The following FHIT variants were observed in gnomAD, a reference collection of about 807,000 sequenced individuals.
The protein encoded by FHIT is bis(5'-adenosyl)-triphosphatase.
FHIT carries 19 observed loss-of-function variants against 17.9 expected under a neutral mutation model. The ratio of observed to expected loss-of-function variants is 1.06; its 90% CI spans 0.74 to 1.56. The LOEUF is 1.56. FHIT is among the 40% of genes most tolerant of loss of function. The pLI is 0.00. For missense variants in FHIT, 248 were observed against 189.2 expected (o/e 1.31, Z -1.82); for synonymous variants, 81 against 69.7 (o/e 1.16, Z -0.81).
At chr3:60,899,914 G>A (rs1706020390) in intron 3 of FHIT, among the ~76,000 whole-genome samples, 1 of 152,138 alleles carries the variant, frequency 6.6e-6, no homozygotes, top group African/African-American at 2.4e-5. Context: ...ATCAAACACA[G>A]AAAAGGGAAA....
chr3:60,837,892 G>A (rs1439794557), intron 3 of FHIT, among the ~76,000 whole-genome samples: 1 of 151,978 alleles, frequency 6.6e-6, no homozygotes, highest in Admixed American at 6.6e-5. Context: ...TCCGCACTTT[G>A]CATCCCTTTA....
chr3:60,151,411 A>G (rs868865575), intron 5 of FHIT, among the ~76,000 whole-genome samples: 6 of 152,166 alleles, frequency 3.9e-5, no homozygotes, highest in Admixed American at 2.0e-4. Context: ...AGTTACTTCC[A>G]AAGCCTCCTA....
rs145620988 is a variant in FHIT at position 59,982,663 on chromosome 3, T to C, written c.279+28708A>G. Among the ~76,000 whole-genome samples, 1,034 of 152,312 alleles carry C rather than the reference T, an allele frequency of 6.8e-3. 12 individuals carry two copies. Among genetic ancestry groups the C allele is most frequent in the African/African-American group, 0.022 (931 of 41,578 alleles). ...GTACTTGCAGAAAGGGATGAAGTTC[T>C]GAGCTAGGTTAAGTGCTTGTGGCTA... On this transcript the variant is annotated intron_variant, in intron 7 of 9. Transcript: ENST00000492590.
At chr3:60,413,073 T>C (rs966447498) in intron 5 of FHIT, among the ~76,000 whole-genome samples, 11 of 152,130 alleles carry the variant, frequency 7.2e-5, no homozygotes, top group African/African-American at 2.7e-4. Flanking sequence ...AGTGTGAAAA[T>C]GGACTAACAC....
chr3:60,773,060 A>G (rs9847131), intron 4 of FHIT, among the ~76,000 whole-genome samples: 86,743 of 152,036 alleles, frequency 0.57, 26,051 homozygotes, highest in African/African-American at 0.75. Context: ...TGGTGTGGCT[A>G]GCCTTCTGTC....
chr3:60,682,025 G>T (rs1553697038), intron 4 of FHIT, among the ~76,000 whole-genome samples: 1 of 150,886 alleles, frequency 6.6e-6, no homozygotes, highest in Admixed American at 6.6e-5. Context: ...GGGCTGGAGT[G>T]CAATGGTGCG....
intron 1 of FHIT, among the ~76,000 whole-genome samples, chr3:61,237,923 T>C (rs1576278755): frequency 6.6e-6 from 1 of 152,160 alleles, no homozygotes; most frequent in East Asian, 1.9e-4. Context: ...TCCCCAGTAT[T>C]TGAAAAATCT....
At chr3:61,116,117 A>G (rs2036291678) in intron 2 of FHIT, among the ~76,000 whole-genome samples, 1 of 152,048 alleles carries the variant, frequency 6.6e-6, no homozygotes, top group South Asian at 2.1e-4. Flanking sequence ...CAGTTTCTCT[A>G]GTATTTCTCA....
At chr3:60,856,707 C>A (rs1462870202) in intron 3 of FHIT, 1 of 152,212 alleles carries the variant, frequency 6.6e-6, no homozygotes, top group Non-Finnish European at 1.5e-5. Context: ...AAAACCTTGT[C>A]ACAATCCACA....
At position 60,020,578 on chromosome 3, in the gene FHIT, G is replaced by C. The variant is rs1460659017; in HGVS notation, c.104-6426C>G. On this transcript the variant is annotated intron_variant, in intron 5 of 9. Coordinates refer to ENST00000492590, the MANE Select transcript of FHIT (RefSeq NM_002012.4). ...CATTCTTCTGAACTAATAAAAAAGA[G>C]TCTGTATTCATCTCGACTGCAGATC... Among the ~76,000 whole-genome samples, 3 of 152,274 alleles carry C rather than the reference G, an allele frequency of 2.0e-5. No individual in the cohort carries two copies. In the East Asian group the frequency reaches 5.8e-4, roughly 29 times the overall value.
chr3:60,027,419 T>G (rs12636081), intron 5 of FHIT, among the ~76,000 whole-genome samples: 19,806 of 152,026 alleles, frequency 0.13, 1,417 homozygotes, highest in East Asian at 0.28. Flanking sequence ...CAACCAACAG[T>G]CTTCTGTCAT....
chr3:60,519,425 AC>A (rs1361419853), intron 5 of FHIT, among the ~76,000 whole-genome samples: 1 of 152,172 alleles, frequency 6.6e-6, no homozygotes, highest in Non-Finnish European at 1.5e-5. Context: ...GTGATCCTGT[AC>A]CACTCCCCAT....
chr3:60,392,660 C>G (rs1284940696), intron 5 of FHIT, among the ~76,000 whole-genome samples: 1 of 152,110 alleles, frequency 6.6e-6, no homozygotes, highest in Non-Finnish European at 1.5e-5. Context: ...GAAATTTTAA[C>G]CAAGTGAGAT....
At chr3:60,071,890 C>A (rs1159092615) in intron 5 of FHIT, among the ~76,000 whole-genome samples, 1 of 152,144 alleles carries the variant, frequency 6.6e-6, no homozygotes, top group Non-Finnish European at 1.5e-5. Flanking sequence ...AAGCGGAGTT[C>A]CCCTCTACAC....
rs1056461650 is a variant in FHIT, at chr3:59,793,366, C to T, written c.349-41045G>A. On this transcript the variant is annotated intron_variant, in intron 8 of 9. Coordinates refer to ENST00000492590, the MANE Select transcript of FHIT (RefSeq NM_002012.4). ...CACAGGCCAGAAAGAAAGTGTAGATCGTCTTCTCAAGAGAGGAAGGACAAA... is the reference window on the plus strand; with the variant it reads ...CACAGGCCAGAAAGAAAGTGTAGATTGTCTTCTCAAGAGAGGAAGGACAAA... 3.4e-5 allele frequency among the ~76,000 whole-genome samples: 5 copies of T among 147,944 alleles called. No homozygotes were observed. In the South Asian group the frequency reaches 6.5e-4, roughly 19 times the overall value.
Position 60,634,425 on chromosome 3 carries a change from T to G in FHIT, c.-17-97446A>C, listed in dbSNP as rs2039527061. On this transcript the variant is annotated intron_variant, in intron 4 of 9. Coordinates refer to ENST00000492590, the MANE Select transcript of FHIT (RefSeq NM_002012.4). ...GCAGTTGGCTTCCCACAATTGATTC[T>G]TTAATAACTTCTGTAATATTTCTGA... Among the ~76,000 whole-genome samples the G allele has an allele frequency of 2.0e-5, 3 of 152,222 alleles. No homozygotes were observed. The South Asian group carries it at 6.2e-4, about 32-fold the overall frequency.
intron 5 of FHIT, among the ~76,000 whole-genome samples, chr3:60,236,231 G>T (rs568979518): frequency 2.7e-5 from 4 of 150,304 alleles, no homozygotes; most frequent in South Asian, 4.3e-4. Flanking sequence ...TCCTCTGATT[G>T]TAACAATAAA....
chr3:60,120,766 A>G (rs1413211989), intron 5 of FHIT, among the ~76,000 whole-genome samples: 1 of 152,192 alleles, frequency 6.6e-6, no homozygotes, highest in East Asian at 1.9e-4. Flanking sequence ...GCAGGATCCT[A>G]AAGATGGTCC....
chr3:60,186,783 A>T (rs114909481), intron 5 of FHIT, among the ~76,000 whole-genome samples: 2 of 152,072 alleles, frequency 1.3e-5, no homozygotes, highest in Admixed American at 1.3e-4. Context: ...CCATGCCCGC[A>T]AACTTTGTAG....
Sources: gnomAD v4.1 joint callset for allele counts (sites outside exome capture counted in the v4.1 genomes callset) on GRCh38, gnomAD v4.1.1 for gene constraint, MANE v1.5 for transcripts, NCBI Gene and HGNC (gene_info 2026-07-23, HGNC 2026-07-21) for gene names.